HNRNPU: variants seen among roughly 807,000 people sequenced by gnomAD.
The protein encoded by HNRNPU is HNRNPU antisense RNA 1.
HNRNPU carries 5 observed loss-of-function variants against 94.7 expected under a neutral mutation model. The ratio of observed to expected loss-of-function variants is 0.05; its 90% confidence interval spans 0.03 to 0.11. The LOEUF is 0.11. HNRNPU is among the 10% of genes least tolerant of loss of function. HNRNPU has a pLI of 1.00. For synonymous variants in HNRNPU, 434 were observed against 381.6 expected, an observed-to-expected ratio of 1.14 and a Z score of -1.60; for missense variants, 710 against 1,049.2, an observed-to-expected ratio of 0.68 and a Z score of 4.47.
Position 244,860,377 on chromosome 1 carries a change from T to C in HNRNPU, c.975A>G (p.Ala325=). 6.2e-7 allele frequency: 1 copy of C among 1,613,964 alleles called. No homozygotes were observed. The highest frequency in any genetic ancestry group is 1.1e-5 in the South Asian group (1 of 91,032). ...SFAFLWAGGR[A]SYGVSKGKVC... ...CTTTGCCTTTTGACACACCATAGGATGCTCTTCCTCCAGCCCAAAGAAAAG... is the reference window on the plus strand; with the variant it reads ...CTTTGCCTTTTGACACACCATAGGACGCTCTTCCTCCAGCCCAAAGAAAAG... The change falls in exon 4 of 14, where the codon GCA becomes GCG. Residue 325 remains alanine (A), a synonymous_variant. Coordinates refer to ENST00000640218, the MANE Select transcript of HNRNPU (RefSeq NM_031844.3).
chr1:244,861,832 A>G (rs1445779768), intron 3 of HNRNPU: 2 of 152,090 alleles, frequency 1.3e-5, no homozygotes, highest in Non-Finnish European at 2.9e-5. Context: ...CCAACTGGGT[A>G]AAGTAGCAGT....
At chr1:244,863,313 CCGCCCGCGGCT>C (rs1308370244) in intron 1 of HNRNPU, among the ~76,000 whole-genome samples, 1 of 150,252 alleles carries the variant, frequency 6.7e-6, no homozygotes, top group African/African-American at 2.4e-5. Context: ...CTCCCGCCGC[CCGCCCGCGGCT>C]CCTCCCCCTA....
chr1:244,862,566 T>C, intron 2 of HNRNPU, 32 bp from the exon 3 acceptor site: 1 of 1,610,810 alleles, frequency 6.2e-7, no homozygotes, highest in Non-Finnish European at 8.5e-7. Flanking sequence ...TGATACAGCT[T>C]TCCGATCAAC....
intron 11 of HNRNPU, 146 bp downstream of exon 11, chr1:244,855,758 G>A: frequency 8.1e-7 from 1 of 1,235,598 alleles, no homozygotes; most frequent in Non-Finnish European, 1.1e-6. Context: ...CATAACCTAG[G>A]TGTATTTAAT....
rs1234854769 is a variant in HNRNPU, at chr1:244,863,781, T to C, written c.527A>G (p.Gln176Arg). 3 of 1,601,906 alleles carry C rather than the reference T, an allele frequency of 1.9e-6. No individual in the cohort carries two copies. The highest frequency in any genetic ancestry group is 1.7e-4 in the Middle Eastern group (1 of 6,042). Reference sequence around the variant, plus strand: ...CGCGGCCTCCTTGGCGGCCCCGCGCTGCTGTTGGGGCTGTTGCTGCTGCGT... The same window carrying C: ...CGCGGCCTCCTTGGCGGCCCCGCGCCGCTGTTGGGGCTGTTGCTGCTGCGT... ...PATQQQQPQQ[Q>R]RGAAKEAAGK... Residue 176 changes from glutamine (Q) to arginine (R), a missense_variant, in exon 1 of 14, where the codon CAG (glutamine) becomes CGG (arginine). This residue lies in a region of HNRNPU where 292 missense variants were observed against 293.4 expected (regional missense o/e 1.00). Transcript: ENST00000640218.
chr1:244,855,832 C>G, intron 11 of HNRNPU, 72 bp downstream of exon 11: 13 of 1,543,866 alleles, frequency 8.4e-6, no homozygotes, highest in Non-Finnish European at 1.1e-5. Flanking sequence ...GAAACTTCAG[C>G]TACATCCAAA....
At chr1:244,859,416 G>A (rs1336320092) in intron 4 of HNRNPU, 42 bp from the exon 5 acceptor site, 10 of 975,598 alleles carry the variant, frequency 1.0e-5, no homozygotes, top group African/African-American at 1.6e-5. Context: ...ATACACCAAG[G>A]AGGTAACCCC....
Position 244,855,023 on chromosome 1 carries a change from T to C in HNRNPU, c.2374A>G (p.Asn792Asp). The change falls in exon 13 of 14, where the codon AAT (asparagine) becomes GAT (aspartate). Residue 792 changes from asparagine to aspartate, a missense_variant. Coordinates refer to ENST00000640218, the MANE Select transcript of HNRNPU (RefSeq NM_031844.3). ...TGAGATTGATTTTTGTAGCCACGAT[T>C]GTTTCCTCGTCCTCTGAAGTTCTAC... ...YNQNFRGRGN[N>D]RGYKNQSQGY... is the part of the protein sequence containing the mutation. 1 of 1,613,798 alleles carries C rather than the reference T, an allele frequency of 6.2e-7. No individual in the cohort carries two copies. The highest frequency in any genetic ancestry group is 8.5e-7 in the Non-Finnish European group (1 of 1,179,682).
At chr1:244,854,619 G>A in intron 13 of HNRNPU, 116 bp from the exon 14 acceptor site, 1 of 721,526 alleles carries the variant, frequency 1.4e-6, no homozygotes, top group Non-Finnish European at 2.5e-6. Context: ...ATTTATACCT[G>A]TCATACCTCT....
chr1:244,862,328 A>G, intron 3 of HNRNPU, 133 bp downstream of exon 3: 1 of 634,080 alleles, frequency 1.6e-6, no homozygotes, highest in Non-Finnish European at 2.8e-6. Context: ...TTCTGAATGT[A>G]AACCATTATC....
At chr1:244,857,780 T>C in intron 7 of HNRNPU, 63 bp from the exon 8 acceptor site, 1 of 1,558,834 alleles carries the variant, frequency 6.4e-7, no homozygotes, top group Non-Finnish European at 8.7e-7. Flanking sequence ...ATTCTTTAAA[T>C]ATTGTTAAGG....
rs114856775 is a variant in HNRNPU at position 244,857,907 on chromosome 1, A to C, written c.1494+104T>G. ...ATTACTTAAGAGCAATATGCACAGCACAAAGTAAATGAAACAGACTAATCA... is the reference window on the plus strand; with the variant it reads ...ATTACTTAAGAGCAATATGCACAGCCCAAAGTAAATGAAACAGACTAATCA... On this transcript the variant is annotated intron_variant, in intron 7 of 13. Coordinates refer to ENST00000640218, the MANE Select transcript of HNRNPU (RefSeq NM_031844.3). The C allele has an allele frequency of 2.8e-4, 373 of 1,343,490 alleles. 4 individuals carry two copies. The African/African-American group carries it at 4.5e-3, about 16-fold the overall frequency. The allele number at this position is 1,343,490 out of a possible 1,614,324, so 83.2% of individuals were successfully genotyped here.
In HNRNPU at chr1:244,856,559, C is replaced by T. The variant is rs143798359; in HGVS notation, c.1810G>A (p.Val604Ile). 17 of 1,614,134 alleles carry T rather than the reference C, an allele frequency of 1.1e-5. No homozygotes were observed. Among genetic ancestry groups the T allele is most frequent in the Non-Finnish European group, 1.4e-5 (16 of 1,179,992 alleles). Residue 604 changes from valine (V) to isoleucine (I), a missense_variant, in exon 10 of 14, where the codon GTT (valine) becomes ATT (isoleucine). Transcript: ENST00000640218. ...TCTTCATCTTTTGGGCAAACTACAA[C>T]AGCTTTTCGCTGGAAGCCTGCAAAC... ...CLFAGFQRKA[V>I]VVCPKDEDYK...
chr1:244,861,146 A>G (rs1680815477), intron 3 of HNRNPU: 1 of 152,242 alleles, frequency 6.6e-6, no homozygotes, highest in African/African-American at 2.4e-5. Context: ...TGGCTCATTA[A>G]CATGCACTTC....
intron 13 of HNRNPU, 133 bp from the exon 14 acceptor site, chr1:244,854,636 T>C: frequency 3.0e-6 from 2 of 662,856 alleles, no homozygotes; most frequent in East Asian, 5.2e-5. Context: ...CTCTGATTTC[T>C]ACCAAACCAG....
chr1:244,855,942 C>T lies in HNRNPU; in HGVS notation c.2129G>A (p.Gly710Glu). Residue 710 changes from glycine (G) to glutamate (E), a missense_variant, in exon 11 of 14, where the codon GGA becomes GAA. Gly to Glu is a moderately conservative substitution (Grantham distance 98). Around this residue, in one of 8 missense-constraint regions of HNRNPU, gnomAD observed 152 missense variants for 238.9 expected, o/e 0.64. Coordinates refer to ENST00000640218, the MANE Select transcript of HNRNPU (RefSeq NM_031844.3). ...FNRGGGHRGRGGFNMRGGNFR... is the reference protein window; with the variant it reads ...FNRGGGHRGREGFNMRGGNFR... ...ATTTCCACCACGCATATTGAATCCT[C>T]CACGTCCTCTATGGCCACCACCTCT... The T allele has an allele frequency of 6.2e-7, 1 of 1,614,160 alleles. No individual in the cohort carries two copies. The highest frequency in any genetic ancestry group is 8.5e-7 in the Non-Finnish European group (1 of 1,180,020).
At position 244,864,523 on chromosome 1, in the gene HNRNPU, G is replaced by A. The variant is rs1218330838; in HGVS notation, c.-216C>T. The stretch of plus-strand genomic sequence containing the variant: ...GGAGACGCGGAGACTCGCCTGGCGC[G>A]AGCGAGCACGCAACGTCCTCTCGCA... On this transcript the variant is annotated 5_prime_UTR_variant, in exon 1 of 14. Coordinates refer to ENST00000640218, the MANE Select transcript of HNRNPU (RefSeq NM_031844.3). 3 of 707,414 alleles carry A rather than the reference G, an allele frequency of 4.2e-6. No homozygotes were observed. Among genetic ancestry groups the A allele is most frequent in the East Asian group, 6.6e-5 (2 of 30,188 alleles). 43.8% of individuals were successfully genotyped at this position (707,414 alleles called of 1,614,324 possible).
In HNRNPU at chr1:244,858,295, C is replaced by A. The variant is rs1185458356; in HGVS notation, c.1231-21G>T. ...AAGTTCTGTTACACAGAAAAAAATTCAACAGTTAAAATCTGCTTCCTTAAA... is the reference window on the plus strand; with the variant it reads ...AAGTTCTGTTACACAGAAAAAAATTAAACAGTTAAAATCTGCTTCCTTAAA... On this transcript the variant is annotated intron_variant, in intron 6 of 13. Coordinates refer to ENST00000640218, the MANE Select transcript of HNRNPU (RefSeq NM_031844.3). The A allele has an allele frequency of 3.1e-6, 5 of 1,602,532 alleles. No individual in the cohort carries two copies. In the Admixed American group the frequency reaches 5.2e-5, roughly 17 times the overall value.
intron 10 of HNRNPU, 57 bp from the exon 11 acceptor site, chr1:244,856,215 C>A (rs2102985544): frequency 6.6e-7 from 1 of 1,513,380 alleles, no homozygotes; most frequent in Non-Finnish European, 8.9e-7. Context: ...TCCTCACAAT[C>A]CTAAAGCTGA....
Sources: gnomAD v4.1 joint callset for allele counts (sites outside exome capture counted in the v4.1 genomes callset) on GRCh38, gnomAD v4.1.1 for gene constraint, gnomAD v4.1.1 regional missense constraint, MANE v1.5 for transcripts, NCBI Gene and HGNC (gene_info 2026-07-23, HGNC 2026-07-21) for gene names.